The following ZNF827 variants were observed in gnomAD, a reference collection of about 807,000 sequenced individuals.
The protein encoded by ZNF827 is zinc finger protein 827.
In ZNF827, 13 loss-of-function variants were observed where a neutral mutation model predicts 102.4. The ratio of observed to expected loss-of-function variants is 0.13; its 90% CI spans 0.08 to 0.20. ZNF827 has a LOEUF of 0.20. ZNF827 is among the 10% of genes least tolerant of loss of function. The pLI is 1.00. For missense variants in ZNF827, 1,103 were observed against 1,344.4 expected (o/e 0.82, Z 2.81); for synonymous variants, 523 against 536.2 (o/e 0.98, Z 0.34).
Position 145,861,791 on chromosome 4 carries a change from A to G in ZNF827, c.1981+8454T>C, listed in dbSNP as rs115748293. Among the ~76,000 whole-genome samples, 1,249 of 152,260 alleles carry G rather than the reference A, an allele frequency of 8.2e-3. 20 individuals carry two copies. Among genetic ancestry groups the G allele is most frequent in the African/African-American group, 0.028 (1,151 of 41,536 alleles). On this transcript the variant is annotated intron_variant, in intron 5 of 14. Coordinates refer to ENST00000508784, the MANE Select transcript of ZNF827 (RefSeq NM_001306215.2). The stretch of plus-strand genomic sequence containing the variant: ...CAGTCCAACAGAAAAGGAATCTACG[A>G]TGAAGGTGGAGCACATTAAATTCCT...
At position 145,938,600 on chromosome 4, in the gene ZNF827, C is replaced by A; in HGVS notation, c.-193G>T. 2.1e-6 allele frequency: 1 copy of A among 476,378 alleles called. No homozygotes were observed. The highest frequency in any genetic ancestry group is 3.7e-6 in the Non-Finnish European group (1 of 267,706). The allele number at this position is 476,378 out of a possible 1,614,324, so 29.5% of individuals were successfully genotyped here. ...CTGGAGCCAGAAGAGGGGTTTTCTT[C>A]TTTTCTTTCCTTTCTTTTTTCCTTT... On this transcript the variant is annotated 5_prime_UTR_variant, in exon 1 of 15. Transcript: ENST00000508784.
intron 7 of ZNF827, among the ~76,000 whole-genome samples, chr4:145,841,628 A>C (rs1359667336): frequency 6.6e-6 from 1 of 152,172 alleles, no homozygotes; most frequent in African/African-American, 2.4e-5. Context: ...CTTGCATTGA[A>C]TTTTCTAGAC....
At chr4:145,885,004 A>T (rs1027078297) in intron 4 of ZNF827, among the ~76,000 whole-genome samples, 2 of 152,114 alleles carry the variant, frequency 1.3e-5, no homozygotes, top group African/African-American at 4.8e-5. Context: ...AGAGAATGAA[A>T]AAGTTCTGGA....
At chr4:145,888,021 C>T (rs746164445) in intron 3 of ZNF827, among the ~76,000 whole-genome samples, 1 of 152,158 alleles carries the variant, frequency 6.6e-6, no homozygotes, top group Non-Finnish European at 1.5e-5. Context: ...AGCACAAGCC[C>T]AAGTTCTAAA....
At chr4:145,779,111 C>CA (rs1341920830) in intron 9 of ZNF827, among the ~76,000 whole-genome samples, 2 of 152,114 alleles carry the variant, frequency 1.3e-5, no homozygotes, top group East Asian at 3.8e-4. Flanking sequence ...TTTTTTTTAA[C>CA]AGAGTTTAGG....
rs377232229 is a variant in ZNF827, at chr4:145,885,916, C to T, written c.1509G>A (p.Thr503=). Reference sequence around the variant, plus strand: ...GGCTAGTCCTCTCTGGAGTGTTAGACGTCATCATGGTCCCCACTAGCTCTG... The same window carrying T: ...GGCTAGTCCTCTCTGGAGTGTTAGATGTCATCATGGTCCCCACTAGCTCTG... ...GGTELVGTMM[T]SNTPERTSQG... Residue 503 remains threonine (T), a synonymous_variant, in exon 4 of 15, where the codon ACG becomes ACA. Coordinates refer to ENST00000508784, the MANE Select transcript of ZNF827 (RefSeq NM_001306215.2). 2.3e-5 allele frequency: 37 copies of T among 1,614,074 alleles called. No individual in the cohort carries two copies. The highest frequency in any genetic ancestry group is 2.8e-5 in the Non-Finnish European group (33 of 1,180,036).
chr4:145,911,303 A>G (rs1752273113), intron 1 of ZNF827, among the ~76,000 whole-genome samples: 1 of 152,106 alleles, frequency 6.6e-6, no homozygotes, highest in African/African-American at 2.4e-5. Flanking sequence ...CCACTCTATA[A>G]ACAGCTGTGC....
intron 5 of ZNF827, among the ~76,000 whole-genome samples, chr4:145,856,978 C>T (rs921620294): frequency 4.0e-5 from 5 of 126,296 alleles, no homozygotes; most frequent in East Asian, 2.9e-4. Context: ...TGCGCGCGCA[C>T]GCGCACGCAC....
At position 145,789,565 on chromosome 4, in the gene ZNF827, C is replaced by G. The variant is rs138508676; in HGVS notation, c.2384-10054G>C. On this transcript the variant is annotated intron_variant, in intron 8 of 14. Coordinates refer to ENST00000508784, the MANE Select transcript of ZNF827 (RefSeq NM_001306215.2). ...ATTCTTATTTTACAACACAACAAAA[C>G]AAAAGCAAAAACAGTATCAGGCTCA... Among the ~76,000 whole-genome samples, 42 of 152,262 alleles carry G rather than the reference C, an allele frequency of 2.8e-4. No individual in the cohort carries two copies. In the East Asian group the frequency reaches 6.0e-3, roughly 22 times the overall value.
rs1734358976 is a variant in ZNF827 at position 145,760,727 on chromosome 4, T to G, written c.*889A>C. The G allele has an allele frequency of 4.9e-6, 5 of 1,024,722 alleles. No individual in the cohort carries two copies. Among genetic ancestry groups the G allele is most frequent in the African/African-American group, 1.7e-5 (1 of 58,188 alleles). 63.5% of individuals were successfully genotyped at this position (1,024,722 alleles called of 1,614,324 possible). A position where few individuals can be genotyped will look rare whatever the true frequency, so the allele number is the denominator to read the frequency against. ...TTGTGTTTAAGTTTTGTGGTTTTTT[T>G]TTTTTTTTTTGTCTTTTGTCTCTCT... On this transcript the variant is annotated 3_prime_UTR_variant, in exon 15 of 15. Transcript: ENST00000508784.
At chr4:145,824,962 C>A (rs1390459743) in intron 7 of ZNF827, among the ~76,000 whole-genome samples, 1 of 152,150 alleles carries the variant, frequency 6.6e-6, no homozygotes, top group Non-Finnish European at 1.5e-5. Flanking sequence ...ACTTTGTATG[C>A]CATGGTTTTT....
chr4:145,901,325 A>G (rs1751395919), intron 2 of ZNF827, among the ~76,000 whole-genome samples: 1 of 152,226 alleles, frequency 6.6e-6, no homozygotes, highest in African/African-American at 2.4e-5. Context: ...TATCATGTAC[A>G]CAATTTTAAA....
chr4:145,919,129 C>A (rs1455429498), intron 1 of ZNF827, among the ~76,000 whole-genome samples: 3 of 152,120 alleles, frequency 2.0e-5, no homozygotes, highest in Non-Finnish European at 4.4e-5. Flanking sequence ...TGGTGGCATA[C>A]TCTAGTACCA....
chr4:145,762,546 C>T lies in ZNF827; in HGVS notation c.*17+544G>A, dbSNP rs901297388. Among the ~76,000 whole-genome samples the T allele has an allele frequency of 6.6e-6, 1 of 152,104 alleles. No individual in the cohort carries two copies. Among genetic ancestry groups the T allele is most frequent in the African/African-American group, 2.4e-5 (1 of 41,416 alleles). On this transcript the variant is annotated intron_variant, in intron 14 of 14. Transcript: ENST00000508784. This position sits in a 1 kb window ranked among gnomAD's most constrained non-coding sequence, Gnocchi z 4.9. ...TACTGGTTCATTATTTGAGTGGTCTCTACAGGCAATTTAGGTAGATTCTGG... is the reference window on the plus strand; with the variant it reads ...TACTGGTTCATTATTTGAGTGGTCTTTACAGGCAATTTAGGTAGATTCTGG...
At chr4:145,927,658 T>C (rs1753526668) in intron 1 of ZNF827, among the ~76,000 whole-genome samples, 1 of 152,156 alleles carries the variant, frequency 6.6e-6, no homozygotes, top group African/African-American at 2.4e-5. Flanking sequence ...AGATCCCATG[T>C]AGATTTCACA....
intron 11 of ZNF827, among the ~76,000 whole-genome samples, chr4:145,768,373 C>T (rs1256995787): frequency 6.6e-6 from 1 of 152,088 alleles, no homozygotes; most frequent in Admixed American, 6.5e-5. Flanking sequence ...CCATGTTGGC[C>T]AGGCTGGTCT....
chr4:145,849,459 C>G lies in ZNF827; in HGVS notation c.2084G>C (p.Gly695Ala). ...HVSISPSRNV[G>A]YSTLIGREKT... ...CTCTCGCCCGATTAAAGTGCTGTAG[C>G]CAACATTCCGGCTGGGTGATATCGA... The change falls in exon 6 of 15, where the codon GGC becomes GCC. Residue 695 changes from glycine to alanine, a missense_variant. Coordinates refer to ENST00000508784, the MANE Select transcript of ZNF827 (RefSeq NM_001306215.2). 6.2e-7 allele frequency: 1 copy of G among 1,614,168 alleles called. No homozygotes were observed. Among genetic ancestry groups the G allele is most frequent in the East Asian group, 2.2e-5 (1 of 44,880 alleles).
chr4:145,922,589 C>T (rs1753146009), intron 1 of ZNF827, among the ~76,000 whole-genome samples: 1 of 152,196 alleles, frequency 6.6e-6, no homozygotes. Context: ...TGAAGACTGA[C>T]CCTTGAGTAA....
chr4:145,910,310 T>C (rs1752188129), intron 1 of ZNF827, among the ~76,000 whole-genome samples: 1 of 152,146 alleles, frequency 6.6e-6, no homozygotes, highest in African/African-American at 2.4e-5. Flanking sequence ...GTATTCTTCA[T>C]ATAAAGTGCT....
Sources: allele counts gnomAD v4.1 joint callset (sites outside exome capture counted in the v4.1 genomes callset), GRCh38; gene constraint gnomAD v4.1.1; non-coding constraint Gnocchi (gnomAD v3.1); transcripts MANE v1.5; gene names NCBI Gene and HGNC (gene_info 2026-07-23, HGNC 2026-07-21).